ANKS1A: variants seen among roughly 807,000 people sequenced by gnomAD.
The protein encoded by ANKS1A is ankyrin repeat and SAM domain-containing protein 1A.
A neutral mutation model predicts 120.3 loss-of-function variants in ANKS1A; 55 were observed. That is an observed-to-expected ratio of 0.46 (90% CI 0.37 to 0.57). ANKS1A has a LOEUF of 0.57. Among genes scored for constraint, ANKS1A ranks in the 20% least tolerant of loss-of-function variants. The pLI, the probability that ANKS1A is intolerant of heterozygous loss-of-function variation, is 0.00. For missense variants in ANKS1A, 1,123 were observed against 1,480.3 expected (o/e 0.76, Z 3.96); for synonymous variants, 590 against 604.7 (o/e 0.98, Z 0.36).
At position 35,089,563 on chromosome 6, in the gene ANKS1A, G is replaced by C. The variant is rs1778188594; in HGVS notation, c.*954G>C. The stretch of plus-strand genomic sequence containing the variant: ...AGCCTGTGTGATTGGGGCTCATTTT[G>C]ATTCTCTGAATTATCGGTTTGACGG... On this transcript the variant is annotated 3_prime_UTR_variant, in exon 24 of 24. Transcript: ENST00000360359. The C allele has an allele frequency of 1.0e-6, 1 of 986,534 alleles. No homozygotes were observed. Among genetic ancestry groups the C allele is most frequent in the South Asian group, 4.7e-5 (1 of 21,314 alleles). The allele number at this position is 986,534 out of a possible 1,614,324, so 61.1% of individuals were successfully genotyped here. A position where few individuals can be genotyped will look rare whatever the true frequency, so the allele number is the denominator to read the frequency against.
intron 1 of ANKS1A, among the ~76,000 whole-genome samples, chr6:34,890,546 A>T (rs1012563852): frequency 1.3e-5 from 2 of 152,210 alleles, no homozygotes; most frequent in Non-Finnish European, 2.9e-5. Flanking sequence ...CCAGGGGCTT[A>T]TTCATCTAGA....
At chr6:35,042,571 GACCTTA>G (rs1204518948) in intron 11 of ANKS1A, among the ~76,000 whole-genome samples, 13 of 152,288 alleles carry the variant, frequency 8.5e-5, no homozygotes, top group African/African-American at 2.9e-4. Flanking sequence ...GCCATCCTCG[GACCTTA>G]TGTATGTGTG....
chr6:35,066,680 C>T (rs976552542), intron 13 of ANKS1A, among the ~76,000 whole-genome samples: 1 of 152,144 alleles, frequency 6.6e-6, no homozygotes, highest in Non-Finnish European at 1.5e-5. Flanking sequence ...CCTGCAGAGG[C>T]CTTAGGAACT....
chr6:35,075,756 T>C (rs141352728), intron 13 of ANKS1A, among the ~76,000 whole-genome samples: 1 of 152,038 alleles, frequency 6.6e-6, no homozygotes, highest in African/African-American at 2.4e-5. Flanking sequence ...TACACACACA[T>C]ACACACACAC....
rs571309390 is a variant in ANKS1A at position 35,084,338 on chromosome 6, G to A, written c.3132+80G>A. 2.6e-6 allele frequency: 4 copies of A among 1,561,796 alleles called. No individual in the cohort carries two copies. The highest frequency in any genetic ancestry group is 3.6e-5 in the Admixed American group (2 of 55,636). ...TCCAGCCCCATTGCAGGGCACAGAT[G>A]CGGCGCTGTCCTGGCCCCTGGCCAG... On this transcript the variant is annotated intron_variant, in intron 21 of 23. Coordinates refer to ENST00000360359, the MANE Select transcript of ANKS1A (RefSeq NM_015245.3). The surrounding 1 kb of genome is among the most constrained non-coding windows in gnomAD (Gnocchi z 4.8).
rs184095350 is a variant in ANKS1A at position 34,954,100 on chromosome 6, C to G, written c.198-13139C>G. On this transcript the variant is annotated intron_variant, in intron 1 of 23. Transcript: ENST00000360359. Reference sequence around the variant, plus strand: ...AATACATCCTAATTACAGCAGAGAACTCTTGTAGTGTTGTCCACTTTGTGG... The same window carrying G: ...AATACATCCTAATTACAGCAGAGAAGTCTTGTAGTGTTGTCCACTTTGTGG... 6.0e-3 allele frequency among the ~76,000 whole-genome samples: 912 copies of G among 152,232 alleles called. 8 individuals carry two copies. The highest frequency in any genetic ancestry group is 0.018 in the African/African-American group (748 of 41,530).
chr6:35,034,982 G>A (rs980101972), intron 11 of ANKS1A, among the ~76,000 whole-genome samples: 1 of 152,262 alleles, frequency 6.6e-6, no homozygotes, highest in Non-Finnish European at 1.5e-5. Flanking sequence ...GGTGGCGATA[G>A]CCTGTGGGAC....
chr6:35,067,491 A>C (rs1430027336), intron 13 of ANKS1A, among the ~76,000 whole-genome samples: 1 of 152,210 alleles, frequency 6.6e-6, no homozygotes, highest in African/African-American at 2.4e-5. Context: ...AAGGCCGGAG[A>C]AGCCCGAGTG....
At chr6:34,891,937 T>G (rs1192305112) in intron 1 of ANKS1A, among the ~76,000 whole-genome samples, 1 of 152,186 alleles carries the variant, frequency 6.6e-6, no homozygotes, top group Non-Finnish European at 1.5e-5. Context: ...TCAGGTCAAG[T>G]TATTCTTAGT....
intron 11 of ANKS1A, 29 bp downstream of exon 11, chr6:35,018,088 T>C: frequency 6.3e-7 from 1 of 1,599,044 alleles, no homozygotes. Context: ...CACAGGGAGC[T>C]GGGCTGGCCA....
intron 13 of ANKS1A, among the ~76,000 whole-genome samples, chr6:35,064,303 C>T (rs1261850100): frequency 1.3e-5 from 2 of 152,206 alleles, no homozygotes; most frequent in Admixed American, 1.3e-4. Context: ...ATGAGGCTGG[C>T]AGCAGGCTCA....
chr6:34,941,277 C>T (rs372365881), intron 1 of ANKS1A, among the ~76,000 whole-genome samples: 2 of 152,250 alleles, frequency 1.3e-5, no homozygotes, highest in African/African-American at 2.4e-5. Flanking sequence ...TGAGCCACCG[C>T]GCCAGCCTAA....
rs1770257088 is a variant in ANKS1A at position 34,954,658 on chromosome 6, T to A, written c.198-12581T>A. On this transcript the variant is annotated intron_variant, in intron 1 of 23. Coordinates refer to ENST00000360359, the MANE Select transcript of ANKS1A (RefSeq NM_015245.3). ...TTCCAAGTCACTGCTTTGCAGAACA[T>A]GCTTAAACACAAAACCACAAGGTTC... Among the ~76,000 whole-genome samples, 3 of 152,210 alleles carry A rather than the reference T, an allele frequency of 2.0e-5. No individual in the cohort carries two copies. The South Asian group carries it at 6.2e-4, about 32-fold the overall frequency.
chr6:35,010,028 A>G, intron 10 of ANKS1A: 1 of 205,514 alleles, frequency 4.9e-6, no homozygotes. Context: ...AAAATAAAAA[A>G]TTTTTAAAAA....
chr6:35,059,533 C>T (rs572605038), intron 12 of ANKS1A, among the ~76,000 whole-genome samples: 4 of 152,344 alleles, frequency 2.6e-5, no homozygotes, highest in Admixed American at 2.6e-4. Flanking sequence ...TGCTGGGTCC[C>T]GGTGAACAGC....
intron 1 of ANKS1A, among the ~76,000 whole-genome samples, chr6:34,965,872 G>A (rs998293811): frequency 2.0e-5 from 3 of 151,570 alleles, no homozygotes; most frequent in Non-Finnish European, 2.9e-5. Flanking sequence ...TCATCCTCCC[G>A]AGTAGCTGGG....
At chr6:35,029,392 C>T (rs1262088913) in intron 11 of ANKS1A, among the ~76,000 whole-genome samples, 8 of 148,538 alleles carry the variant, frequency 5.4e-5, no homozygotes, top group Admixed American at 1.3e-4. Flanking sequence ...TCTGTCACCC[C>T]GGCTGGAGTG....
chr6:35,026,740 C>T (rs897176793), intron 11 of ANKS1A, among the ~76,000 whole-genome samples: 4 of 152,170 alleles, frequency 2.6e-5, no homozygotes, highest in African/African-American at 7.2e-5. Context: ...AAATCCTACC[C>T]TACACTTAAT....
Position 35,089,525 on chromosome 6 carries a change from G to T in ANKS1A, c.*916G>T, listed in dbSNP as rs1778184879. Reference sequence around the variant, plus strand: ...CTAAGGTTGCTACTTGCCAATTTGTGATTTGTCTAATCAGCCTGTGTGATT... The same window carrying T: ...CTAAGGTTGCTACTTGCCAATTTGTTATTTGTCTAATCAGCCTGTGTGATT... On this transcript the variant is annotated 3_prime_UTR_variant, in exon 24 of 24. Coordinates refer to ENST00000360359, the MANE Select transcript of ANKS1A (RefSeq NM_015245.3). 1.0e-6 allele frequency: 1 copy of T among 986,384 alleles called. No individual in the cohort carries two copies. Among genetic ancestry groups the T allele is most frequent in the African/African-American group, 1.7e-5 (1 of 57,228 alleles). 61.1% of individuals were successfully genotyped at this position (986,384 alleles called of 1,614,324 possible). A position where few individuals can be genotyped will look rare whatever the true frequency, so the allele number is the denominator to read the frequency against.
Sources: gnomAD v4.1 joint callset for allele counts (sites outside exome capture counted in the v4.1 genomes callset) on GRCh38, gnomAD v4.1.1 for gene constraint, Gnocchi (gnomAD v3.1) non-coding constraint, MANE v1.5 for transcripts, NCBI Gene and HGNC (gene_info 2026-07-23, HGNC 2026-07-21) for gene names.